Variants in PDE4D observed in about 807,000 individuals in gnomAD.
PDE4D encodes the protein 3',5'-cyclic-AMP phosphodiesterase 4D.
In PDE4D, 24 loss-of-function variants were observed where a neutral mutation model predicts 87.4. That is an observed-to-expected ratio of 0.27 (90% CI 0.20 to 0.39). The LOEUF (loss-of-function observed/expected upper bound fraction) is 0.39. Ranked by LOEUF, PDE4D falls within the 10% of genes least tolerant of loss-of-function variation. PDE4D has a pLI of 1.00. For missense variants in PDE4D, 714 were observed against 1,041.0 expected (o/e 0.69, Z 4.32); for synonymous variants, 384 against 383.2 (o/e 1.00, Z -0.02).
intron 1 of PDE4D, among the ~76,000 whole-genome samples, chr5:59,731,687 T>G (rs938287321): frequency 6.6e-6 from 1 of 152,172 alleles, no homozygotes; most frequent in African/African-American, 2.4e-5. Context: ...AGCAACCGCC[T>G]TCTTCCTAAG....
intron 1 of PDE4D, among the ~76,000 whole-genome samples, chr5:59,329,655 C>T (rs1186288679): frequency 6.6e-6 from 1 of 152,050 alleles, no homozygotes; most frequent in East Asian, 1.9e-4. Context: ...CCAAATGGAA[C>T]CAGATTATTT....
chr5:59,288,035 A>G (rs967792139), intron 1 of PDE4D, among the ~76,000 whole-genome samples: 2 of 151,998 alleles, frequency 1.3e-5, no homozygotes, highest in African/African-American at 4.8e-5. Flanking sequence ...TACAATAAAT[A>G]CCCAACTCTT....
intron 1 of PDE4D, among the ~76,000 whole-genome samples, chr5:59,467,195 T>C (rs544831208): frequency 6.6e-6 from 1 of 152,328 alleles, no homozygotes; most frequent in African/African-American, 2.4e-5. Flanking sequence ...CAATTCCTAC[T>C]ATTTACGCTT....
chr5:59,720,438 C>G (rs1755667570), intron 1 of PDE4D, among the ~76,000 whole-genome samples: 1 of 152,142 alleles, frequency 6.6e-6, no homozygotes. Flanking sequence ...GCCAAAGTGT[C>G]TGGCCCTAAA....
At chr5:59,119,288 A>G (rs1272622938) in intron 5 of PDE4D, among the ~76,000 whole-genome samples, 2 of 152,242 alleles carry the variant, frequency 1.3e-5, no homozygotes, top group Non-Finnish European at 2.9e-5. Context: ...TAAGAATAAA[A>G]TGCATTTTAT....
rs1336690179 is a variant in PDE4D at position 58,970,116 on chromosome 5, T to C, written c.*4548A>G. 1 of 152,122 alleles carries C rather than the reference T, an allele frequency of 6.6e-6. No individual in the cohort carries two copies. Among genetic ancestry groups the C allele is most frequent in the Non-Finnish European group, 1.5e-5 (1 of 68,016 alleles). The allele number at this position is 152,122 out of a possible 1,614,324, so 9.4% of individuals were successfully genotyped here. A position where few individuals can be genotyped will look rare whatever the true frequency, so the allele number is the denominator to read the frequency against. On this transcript the variant is annotated 3_prime_UTR_variant, in exon 15 of 15. Coordinates refer to ENST00000340635, the MANE Select transcript of PDE4D (RefSeq NM_001104631.2). ...TTTTATTTTCATTGCATATAAAAAT[T>C]TCATATGAAGGTATTGATGTACAGT...
chr5:60,480,934 C>G lies in PDE4D; in HGVS notation c.-90+7008G>C, dbSNP rs758180459. ...TCTTTTGGTGTTGTATTTTAAATTG[C>G]TTTTGGAATGAGCTAGGGAAATAAA... On this transcript the variant is annotated intron_variant, in intron 1 of 16. Coordinates refer to the PDE4D transcript ENST00000502484. Among the ~76,000 whole-genome samples the G allele has an allele frequency of 2.6e-5, 4 of 152,118 alleles. No individual in the cohort carries two copies. The South Asian group carries it at 8.3e-4, about 32-fold the overall frequency.
intron 3 of PDE4D, among the ~76,000 whole-genome samples, chr5:59,192,507 A>T (rs910403696): frequency 1.1e-4 from 17 of 152,286 alleles, no homozygotes; most frequent in African/African-American, 3.8e-4. Flanking sequence ...ACTGTCTTTC[A>T]TCCAGCTCAG....
chr5:60,175,927 T>C (rs1783864338), intron 2 of PDE4D, among the ~76,000 whole-genome samples: 1 of 152,118 alleles, frequency 6.6e-6, no homozygotes, highest in Non-Finnish European at 1.5e-5. Context: ...ACCACGATCA[T>C]TCTTCCTACT....
intron 1 of PDE4D, among the ~76,000 whole-genome samples, chr5:59,610,987 C>T (rs1828929805): frequency 6.6e-6 from 1 of 152,110 alleles, no homozygotes; most frequent in South Asian, 2.1e-4. Flanking sequence ...TCTGGATGTC[C>T]TTACAGAGGA....
At chr5:60,395,761 A>G (rs1762844396) in intron 1 of PDE4D, among the ~76,000 whole-genome samples, 1 of 151,572 alleles carries the variant, frequency 6.6e-6, no homozygotes. Flanking sequence ...ATAGAAGAAA[A>G]AAAAAAAAAG....
intron 2 of PDE4D, among the ~76,000 whole-genome samples, chr5:60,134,218 TGA>T: frequency 6.6e-6 from 1 of 152,322 alleles, no homozygotes; most frequent in African/African-American, 2.4e-5. Context: ...TTATACAGGC[TGA>T]GTGTGGTACC....
chr5:59,385,709 A>G (rs1786838823), intron 1 of PDE4D, among the ~76,000 whole-genome samples: 2 of 152,206 alleles, frequency 1.3e-5, no homozygotes, highest in Admixed American at 6.5e-5. Context: ...GATAGTATAG[A>G]GTCCTAACCC....
At chr5:59,152,258 G>T (rs1163911767) in intron 5 of PDE4D, among the ~76,000 whole-genome samples, 1 of 152,116 alleles carries the variant, frequency 6.6e-6, no homozygotes, top group Non-Finnish European at 1.5e-5. Context: ...TATTATTGAG[G>T]TTAAAAGAGA....
At position 58,994,863 on chromosome 5, in the gene PDE4D, A is replaced by G. The variant is rs181422609; in HGVS notation, c.922-1398T>C. On this transcript the variant is annotated intron_variant, in intron 6 of 14. Transcript: ENST00000340635. The stretch of plus-strand genomic sequence containing the variant: ...TCGCATGCCAGCGTAGTCAAAAACA[A>G]AGAACTCGTCATTTACATTGGGTGT... Among the ~76,000 whole-genome samples, 60 of 150,528 alleles carry G rather than the reference A, an allele frequency of 4.0e-4. 2 individuals carry two copies. Among genetic ancestry groups the G allele is most frequent in the Admixed American group, 3.7e-3 (57 of 15,242 alleles).
intron 1 of PDE4D, among the ~76,000 whole-genome samples, chr5:59,266,750 G>A (rs912420830): frequency 6.6e-6 from 1 of 152,046 alleles, no homozygotes; most frequent in Non-Finnish European, 1.5e-5. Context: ...TCTAGGACAG[G>A]AAGGAAAAGT....
intron 3 of PDE4D, among the ~76,000 whole-genome samples, chr5:59,948,723 A>G (rs1757959684): frequency 6.6e-6 from 1 of 152,256 alleles, no homozygotes; most frequent in Admixed American, 6.5e-5. Context: ...TTACTTGGGA[A>G]GGCAAACCCT....
chr5:59,003,710 A>C (rs1016997724), intron 6 of PDE4D, among the ~76,000 whole-genome samples: 3 of 152,228 alleles, frequency 2.0e-5, no homozygotes, highest in African/African-American at 7.2e-5. Flanking sequence ...AGAGGTTGCT[A>C]TAAGGTGATC....
rs1042796305 is a variant in PDE4D, at chr5:59,860,163, G to A, written c.455+33005C>T. On this transcript the variant is annotated intron_variant, in intron 1 of 14. Transcript: ENST00000340635. ...GGGTCACATTTCCTAAAAAATAATG[G>A]CTCTCATGGCTTTTTACTGTGAGAA... is the stretch of plus-strand genomic sequence containing the variant. Among the ~76,000 whole-genome samples the A allele has an allele frequency of 7.2e-5, 11 of 152,234 alleles. No homozygotes were observed. In the East Asian group the frequency reaches 2.1e-3, roughly 29 times the overall value.
Sources: gnomAD v4.1 joint callset for allele counts (sites outside exome capture counted in the v4.1 genomes callset) on GRCh38, gnomAD v4.1.1 for gene constraint, MANE v1.5 for transcripts, NCBI Gene and HGNC (gene_info 2026-07-23, HGNC 2026-07-21) for gene names.